Variants in HYOU1 observed in about 807,000 individuals in gnomAD.
HYOU1 encodes the protein hypoxia up-regulated 1.
HYOU1 carries 40 observed loss-of-function variants against 120.5 expected under a neutral mutation model. The ratio of observed to expected loss-of-function variants is 0.33; its 90% CI spans 0.26 to 0.43. The LOEUF (loss-of-function observed/expected upper bound fraction) is 0.43. Ranked by LOEUF, HYOU1 falls within the 20% of genes least tolerant of loss-of-function variation. The probability of loss-of-function intolerance (pLI) is 1.00; values close to 1 mark genes in which losing one functional copy is unlikely to be tolerated. For synonymous variants in HYOU1, 501 were observed against 479.4 expected (o/e 1.05, Z -0.59); for missense variants, 1,085 against 1,278.3 (o/e 0.85, Z 2.31).
rs2133612779 is a variant in HYOU1 at position 119,055,352 on chromosome 11, G to T, written c.265-13C>A. ...GATTCTTAATCGCCTGAGGGGTGAAGAAGGAGCAGACTAGTATTAGGCTCC... is the reference window on the plus strand; with the variant it reads ...GATTCTTAATCGCCTGAGGGGTGAATAAGGAGCAGACTAGTATTAGGCTCC... On this transcript the variant is annotated splice_polypyrimidine_tract_variant and intron_variant, in intron 4 of 25. Transcript: ENST00000617285. The surrounding 1 kb of genome is among the most constrained non-coding windows in gnomAD (Gnocchi z 4.0). 3.1e-6 allele frequency: 5 copies of T among 1,612,070 alleles called. No individual in the cohort carries two copies. The African/African-American group carries it at 6.7e-5, about 22-fold the overall frequency.
At chr11:119,047,108 G>A (rs1369647068) in intron 22 of HYOU1, 2 of 275,826 alleles carry the variant, frequency 7.3e-6, no homozygotes, top group Non-Finnish European at 1.4e-5. Flanking sequence ...AGGCTGGAGT[G>A]CAGTGGCGCG....
rs17552226 is a variant in HYOU1, at chr11:119,057,196, C to G, written c.-184G>C. 0.25 allele frequency: 37,756 copies of G among 151,002 alleles called. 5,096 individuals carry two copies. Among genetic ancestry groups the G allele is most frequent in the East Asian group, 0.41 (2,117 of 5,124 alleles). The allele number at this position is 151,002 out of a possible 1,614,324, so 9.4% of individuals were successfully genotyped here. A position where few individuals can be genotyped will look rare whatever the true frequency, so the allele number is the denominator to read the frequency against. ...GCACCAGCCGGCCCCGGACGCGGCG[C>G]GCGCTCATTGGAGCCTCGGCCGCCC... is the stretch of plus-strand genomic sequence containing the variant. On this transcript the variant is annotated 5_prime_UTR_variant, in exon 1 of 26. Coordinates refer to ENST00000617285, the MANE Select transcript of HYOU1 (RefSeq NM_006389.5).
At chr11:119,047,020 A>T (rs934667620) in intron 22 of HYOU1, 2 of 562,486 alleles carry the variant, frequency 3.6e-6, no homozygotes, top group African/African-American at 1.9e-5. Context: ...ACATCCTACT[A>T]CTCTGGAGTG....
At chr11:119,049,514 C>T in intron 16 of HYOU1, 42 bp downstream of exon 16, 1 of 1,604,550 alleles carries the variant, frequency 6.2e-7, no homozygotes, top group South Asian at 1.1e-5. Context: ...ACCTGCATCC[C>T]CCACCGTCCT....
intron 8 of HYOU1, 69 bp downstream of exon 8, chr11:119,054,052 C>A: frequency 4.3e-6 from 4 of 935,030 alleles, no homozygotes; most frequent in Non-Finnish European, 6.9e-6. Flanking sequence ...AGCAGTGTGT[C>A]TCCTCCAAGA....
Position 119,055,096 on chromosome 11 carries a change from C to A in HYOU1, c.420-36G>T. The stretch of plus-strand genomic sequence containing the variant: ...GGAAGGTAGTTGGAGCCAAGGAAAG[C>A]CAGGCATTAAGGCAGGACAATCAGG... On this transcript the variant is annotated intron_variant, in intron 5 of 25. Transcript: ENST00000617285. This position sits in a 1 kb window ranked among gnomAD's most constrained non-coding sequence, Gnocchi z 4.0. 1 of 1,613,610 alleles carries A rather than the reference C, an allele frequency of 6.2e-7. No individual in the cohort carries two copies. Among genetic ancestry groups the A allele is most frequent in the South Asian group, 1.1e-5 (1 of 91,080 alleles).
intron 22 of HYOU1, chr11:119,047,254 GACC>G (rs1944139428): frequency 5.1e-6 from 1 of 196,284 alleles, no homozygotes; most frequent in Non-Finnish European, 1.1e-5. Context: ...TCACCATGTT[GACC>G]AGGATGGTCT....
rs1944379626 is a variant in HYOU1, at chr11:119,050,719, C to CAAAAAAA, written c.1665+315_1665+316insTTTTTTT. Among the ~76,000 whole-genome samples the CAAAAAAA allele has an allele frequency of 3.4e-4, 18 of 52,868 alleles. 8 individuals carry two copies. Among genetic ancestry groups the CAAAAAAA allele is most frequent in the Admixed American group, 4.8e-4 (2 of 4,170 alleles). 34.7% of individuals were successfully genotyped at this position (52,868 alleles called of 152,430 possible). On this transcript the variant is annotated intron_variant, in intron 14 of 25. Coordinates refer to ENST00000617285, the MANE Select transcript of HYOU1 (RefSeq NM_006389.5). Reference sequence around the variant, plus strand: ...TTAAGTAACAGAGCCAAGACCCTCTCCAAAAAAAAAAAAAAAAAAAAAAAA... The same window carrying CAAAAAAA: ...TTAAGTAACAGAGCCAAGACCCTCTCAAAAAAACAAAAAAAAAAAAAAAAAAAAAAAA...
intron 23 of HYOU1, 30 bp from the exon 24 acceptor site, chr11:119,046,497 C>T (rs2133550410): frequency 6.2e-7 from 1 of 1,614,164 alleles, no homozygotes; most frequent in South Asian, 1.1e-5. Context: ...AAGACATAGC[C>T]TCAGGAAGGA....
rs2133584723 is a variant in HYOU1, at chr11:119,051,402, T to C, written c.1526+36A>G. The stretch of plus-strand genomic sequence containing the variant: ...ATTATCCAGCAGCCACGCCTCCCCC[T>C]CCCTGGAGCTCCCATCCTACACCCC... On this transcript the variant is annotated intron_variant, in intron 13 of 25. Transcript: ENST00000617285. The surrounding 1 kb of genome is among the most constrained non-coding windows in gnomAD (Gnocchi z 4.2). 1 of 1,605,154 alleles carries C rather than the reference T, an allele frequency of 6.2e-7. No individual in the cohort carries two copies. Among genetic ancestry groups the C allele is most frequent in the East Asian group, 2.2e-5 (1 of 44,814 alleles).
At position 119,045,473 on chromosome 11, in the gene HYOU1, G is replaced by A. The variant is rs782337963; in HGVS notation, c.*120C>T. On this transcript the variant is annotated 3_prime_UTR_variant, in exon 26 of 26. Coordinates refer to ENST00000617285, the MANE Select transcript of HYOU1 (RefSeq NM_006389.5). ...CCCTTCTCCACACCTCCAAATCACA[G>A]GGGTGAGAAAGGAACTCCAGCCGAG... 107 of 872,016 alleles carry A rather than the reference G, an allele frequency of 1.2e-4. No individual in the cohort carries two copies. Among genetic ancestry groups the A allele is most frequent in the Non-Finnish European group, 1.8e-4 (94 of 511,642 alleles). 54.0% of individuals were successfully genotyped at this position (872,016 alleles called of 1,614,324 possible). A position where few individuals can be genotyped will look rare whatever the true frequency, so the allele number is the denominator to read the frequency against.
Position 119,044,193 on chromosome 11 carries a change from A to G in HYOU1, c.*1400T>C, listed in dbSNP as rs1222800062. ...AAAACTCACAGCACAAAAACTGTAG[A>G]AAAGAATATTTTATTGAAACAGTTT... is the stretch of plus-strand genomic sequence containing the variant. On this transcript the variant is annotated 3_prime_UTR_variant, in exon 26 of 26. Coordinates refer to ENST00000617285, the MANE Select transcript of HYOU1 (RefSeq NM_006389.5). 2 of 152,478 alleles carry G rather than the reference A, an allele frequency of 1.3e-5. No individual in the cohort carries two copies. Among genetic ancestry groups the G allele is most frequent in the African/African-American group, 4.8e-5 (2 of 41,514 alleles). The allele number at this position is 152,478 out of a possible 1,614,324, so 9.4% of individuals were successfully genotyped here.
At chr11:119,047,561 C>T in intron 22 of HYOU1, 173 bp downstream of exon 22, 2 of 611,546 alleles carry the variant, frequency 3.3e-6, no homozygotes, top group Non-Finnish European at 5.8e-6. Context: ...ACTCTTATGG[C>T]CATGGCCCTT....
At chr11:119,047,173 G>A (rs1331257545) in intron 22 of HYOU1, 1 of 208,016 alleles carries the variant, frequency 4.8e-6, no homozygotes, top group East Asian at 1.3e-4. Flanking sequence ...TCCTGCCTCA[G>A]CCTCCTGAGT....
chr11:119,056,955 C>A (rs1045274848), intron 1 of HYOU1, 65 bp downstream of exon 1: 2 of 153,310 alleles, frequency 1.3e-5, no homozygotes, highest in African/African-American at 4.8e-5. Context: ...GACCCGCCCC[C>A]GGAGCTCGCA....
At chr11:119,050,906 A>G (rs1446575601) in intron 14 of HYOU1, 129 bp downstream of exon 14, 1 of 1,046,680 alleles carries the variant, frequency 9.6e-7, no homozygotes, top group Non-Finnish European at 1.4e-6. Flanking sequence ...CTCTGTTCAG[A>G]GCCAACATTT....
In HYOU1 at chr11:119,044,543, A is replaced by C. The variant is rs1452989585; in HGVS notation, c.*1050T>G. ...GCAGAGTGATGCACAGAGGAAGGCC[A>C]GCCCTGACCCTCCTCCTTCATCCAC... On this transcript the variant is annotated 3_prime_UTR_variant, in exon 26 of 26. Coordinates refer to ENST00000617285, the MANE Select transcript of HYOU1 (RefSeq NM_006389.5). The C allele has an allele frequency of 6.5e-6, 1 of 154,450 alleles. No homozygotes were observed. Among genetic ancestry groups the C allele is most frequent in the African/African-American group, 2.4e-5 (1 of 41,462 alleles). The allele number at this position is 154,450 out of a possible 1,614,324, so 9.6% of individuals were successfully genotyped here.
rs2133574649 is a variant in HYOU1 at position 119,049,639 on chromosome 11, G to A, written c.1727-4C>T. The A allele has an allele frequency of 2.3e-5, 37 of 1,613,978 alleles. No homozygotes were observed. Among genetic ancestry groups the A allele is most frequent in the Non-Finnish European group, 2.9e-5 (34 of 1,179,994 alleles). ...CTGGAAATGGTGTTGCCAAGTTCTA[G>A]GGGGAGTAAAACCCAAAGACTCAAA... On this transcript the variant is annotated splice_polypyrimidine_tract_variant and splice_region_variant and intron_variant, in intron 15 of 25. Coordinates refer to ENST00000617285, the MANE Select transcript of HYOU1 (RefSeq NM_006389.5).
In HYOU1 at chr11:119,048,382, G is replaced by C. The variant is rs782753634; in HGVS notation, c.2254-12C>G. 6.2e-7 allele frequency: 1 copy of C among 1,609,640 alleles called. No individual in the cohort carries two copies. ...TGGTACAGCTTGTCCTGGGGAGGGG[G>C]ACATGTAAACACATGCACCCACAAG... is the stretch of plus-strand genomic sequence containing the variant. On this transcript the variant is annotated splice_polypyrimidine_tract_variant and intron_variant, in intron 19 of 25. Transcript: ENST00000617285. The surrounding 1 kb of genome is among the most constrained non-coding windows in gnomAD (Gnocchi z 4.7).
Sources: gnomAD v4.1 joint callset for allele counts (sites outside exome capture counted in the v4.1 genomes callset) on GRCh38, gnomAD v4.1.1 for gene constraint, Gnocchi (gnomAD v3.1) non-coding constraint, MANE v1.5 for transcripts, NCBI Gene and HGNC (gene_info 2026-07-23, HGNC 2026-07-21) for gene names.